The following TUB variants were observed in gnomAD, a reference collection of about 807,000 sequenced individuals.
The protein encoded by TUB is tubby protein homolog.
TUB carries 33 observed loss-of-function variants against 59.7 expected under a neutral mutation model. That is an observed-to-expected ratio of 0.55 (90% confidence interval 0.42 to 0.74). The LOEUF is 0.74. TUB is among the 30% of genes least tolerant of loss of function. TUB has a pLI of 0.00. For missense variants in TUB, 659 were observed against 672.0 expected (o/e 0.98, Z 0.21); for synonymous variants, 293 against 256.4 (o/e 1.14, Z -1.36).
intron 2 of TUB, among the ~76,000 whole-genome samples, chr11:8,039,947 G>A (rs530889038): frequency 5.9e-5 from 9 of 152,306 alleles, no homozygotes; most frequent in East Asian, 1.9e-4. Context: ...GACTCTAACC[G>A]GGTGATGCTG....
rs530461419 is a variant in TUB, at chr11:8,100,074, T to C, written c.1117-429T>C. Among the ~76,000 whole-genome samples, 5 of 152,218 alleles carry C rather than the reference T, an allele frequency of 3.3e-5. No individual in the cohort carries two copies. In the East Asian group the frequency reaches 5.8e-4, roughly 18 times the overall value. On this transcript the variant is annotated intron_variant, in intron 9 of 11. Transcript: ENST00000299506. ...GAGAACAGATGGTGGGAAGGAGGAA[T>C]AGGAGGGCCAACAACAGAAACCAGG...
At chr11:8,071,157 AC>A (rs1456170690) in intron 2 of TUB, among the ~76,000 whole-genome samples, 1 of 152,098 alleles carries the variant, frequency 6.6e-6, no homozygotes, top group Non-Finnish European at 1.5e-5. Context: ...GGGACTTCAG[AC>A]CCACTTACGG....
intron 7 of TUB, 24 bp downstream of exon 7, chr11:8,097,449 T>C (rs763624087): frequency 2.1e-5 from 34 of 1,613,990 alleles, no homozygotes; most frequent in Middle Eastern, 1.6e-4. Flanking sequence ...GGGCATGTTA[T>C]CATCTAGGCT....
In TUB at chr11:8,039,654, C is replaced by T. The variant is rs773444306; in HGVS notation, c.165C>T (p.Thr55=). The stretch of plus-strand genomic sequence containing the variant: ...TTCTTTTCCTCCTCAGGAGAACAAC[C>T]AGGAGGAAGTACTGGAAGGAAGGAA... Residue 55 remains threonine, a synonymous_variant, in exon 2 of 13, where the codon ACC becomes ACT. Coordinates refer to the TUB transcript ENST00000305253. The T allele has an allele frequency of 3.9e-6, 6 of 1,520,440 alleles. No individual in the cohort carries two copies. The highest frequency in any genetic ancestry group is 5.3e-6 in the Non-Finnish European group (6 of 1,130,484). The allele number at this position is 1,520,440 out of a possible 1,614,324, so 94.2% of individuals were successfully genotyped here.
In TUB at chr11:8,094,605, G is replaced by A. The variant is rs145186092; in HGVS notation, c.397+416G>A. Among the ~76,000 whole-genome samples the A allele has an allele frequency of 1.7e-3, 264 of 152,300 alleles. 3 individuals carry two copies. In the East Asian group the frequency reaches 0.041, roughly 23 times the overall value. ...ATGCAGCCCTCGCCGTCAGCTCTTC[G>A]TATAATGTGGACTTCCCTTGACTCC... is the stretch of plus-strand genomic sequence containing the variant. On this transcript the variant is annotated intron_variant, in intron 4 of 11. Transcript: ENST00000299506.
chr11:8,031,237 C>T (rs1440688377), intron 1 of TUB, among the ~76,000 whole-genome samples: 2 of 150,916 alleles, frequency 1.3e-5, no homozygotes, highest in African/African-American at 4.9e-5. Flanking sequence ...GGGATCCTCT[C>T]TTTTGCCCTG....
At chr11:8,096,167 CG>C (rs1564921845) in intron 5 of TUB, among the ~76,000 whole-genome samples, 1 of 152,156 alleles carries the variant, frequency 6.6e-6, no homozygotes, top group Non-Finnish European at 1.5e-5. Flanking sequence ...GAATGGCAGG[CG>C]GGAGGACAGC....
intron 5 of TUB, 24 bp from the exon 6 acceptor site, chr11:8,096,661 C>G: frequency 6.7e-7 from 1 of 1,495,746 alleles, no homozygotes; most frequent in Non-Finnish European, 9.3e-7. Context: ...TCCTTCATCC[C>G]TTCTTCTTCT....
intron 2 of TUB, among the ~76,000 whole-genome samples, chr11:8,048,062 A>G (rs1383198169): frequency 1.3e-5 from 2 of 152,116 alleles, no homozygotes; most frequent in South Asian, 2.1e-4. Flanking sequence ...GTGCATGTAC[A>G]CAGTGAGCAC....
upstream of TUB, among the ~76,000 whole-genome samples, chr11:8,034,438 T>A (rs1942618796): frequency 6.6e-6 from 1 of 152,168 alleles, no homozygotes; most frequent in East Asian, 1.9e-4. Flanking sequence ...GTTTGTGCTC[T>A]TGGTGTGACC....
chr11:8,065,124 A>G (rs1943213148), intron 2 of TUB, among the ~76,000 whole-genome samples: 1 of 152,198 alleles, frequency 6.6e-6, no homozygotes, highest in African/African-American at 2.4e-5. Flanking sequence ...TCCAGACTAC[A>G]CCTGGACTTG....
exon 1 of TUB, chr11:8,019,286 C>T (rs1194058077): frequency 1.6e-6 from 2 of 1,262,574 alleles, no homozygotes; most frequent in African/African-American, 3.1e-5. Flanking sequence ...GAGCCCCGAG[C>T]GGAGCCGGAG....
rs925397319 is a variant in TUB, at chr11:8,101,402, T to C, written c.1388-84T>C. The C allele has an allele frequency of 9.1e-6, 14 of 1,534,762 alleles. No homozygotes were observed. The South Asian group carries it at 1.2e-4, about 13-fold the overall frequency. The stretch of plus-strand genomic sequence containing the variant: ...GCTTCTCACTTGTTCTTCCCTCATG[T>C]GGTTTGGGTGTCTGTCTATCCTTCC... On this transcript the variant is annotated intron_variant, in intron 11 of 11. Coordinates refer to ENST00000299506, the MANE Select transcript of TUB (RefSeq NM_177972.3).
chr11:8,052,278 A>G (rs1942944882), intron 2 of TUB, among the ~76,000 whole-genome samples: 1 of 152,210 alleles, frequency 6.6e-6, no homozygotes, highest in South Asian at 2.1e-4. Flanking sequence ...AATTTATTTG[A>G]CAAAATTGCA....
Position 8,101,835 on chromosome 11 carries a change from G to A in TUB, c.*216G>A, listed in dbSNP as rs1944321437. On this transcript the variant is annotated 3_prime_UTR_variant, in exon 12 of 12. Transcript: ENST00000299506. Reference sequence around the variant, plus strand: ...GAGAGCGGGTGGGTGGGTGTGAAGGGATGAGAATAATTCTTTCCATGCCAC... The same window carrying A: ...GAGAGCGGGTGGGTGGGTGTGAAGGAATGAGAATAATTCTTTCCATGCCAC... 5.7e-6 allele frequency: 4 copies of A among 696,588 alleles called. No individual in the cohort carries two copies. Among genetic ancestry groups the A allele is most frequent in the Non-Finnish European group, 6.9e-6 (3 of 436,772 alleles). 43.2% of individuals were successfully genotyped at this position (696,588 alleles called of 1,614,324 possible).
chr11:8,053,923 G>A (rs1056458179), intron 2 of TUB, among the ~76,000 whole-genome samples: 3 of 151,242 alleles, frequency 2.0e-5, no homozygotes, highest in Admixed American at 1.3e-4. Flanking sequence ...AGACCATCCT[G>A]GCTAACACGG....
chr11:8,031,310 C>T (rs561181312), intron 1 of TUB, among the ~76,000 whole-genome samples: 8 of 152,336 alleles, frequency 5.3e-5, no homozygotes, highest in African/African-American at 1.7e-4. Flanking sequence ...CTGGCCCTTT[C>T]CTGGGCCCAA....
chr11:8,044,287 T>A (rs897916338), intron 2 of TUB, among the ~76,000 whole-genome samples: 1 of 152,248 alleles, frequency 6.6e-6, no homozygotes, highest in African/African-American at 2.4e-5. Context: ...TTTCTACCTA[T>A]GCCTTTGAAT....
chr11:8,085,464 C>T (rs1265172022), intron 1 of TUB, among the ~76,000 whole-genome samples: 1 of 152,214 alleles, frequency 6.6e-6, no homozygotes, highest in Non-Finnish European at 1.5e-5. Context: ...GCACTGGTTC[C>T]CACTGTGTCC....
Sources: allele counts gnomAD v4.1 joint callset (sites outside exome capture counted in the v4.1 genomes callset), GRCh38; gene constraint gnomAD v4.1.1; transcripts MANE v1.5; gene names NCBI Gene and HGNC (gene_info 2026-07-23, HGNC 2026-07-21).